NAALAD2: variants seen among roughly 807,000 people sequenced by gnomAD.
NAALAD2 encodes N-acetylated alpha-linked acidic dipeptidase 2.
A neutral mutation model predicts 95.6 loss-of-function variants in NAALAD2; 89 were observed. That is an observed-to-expected ratio of 0.93 (90% CI 0.78 to 1.11). NAALAD2 has a LOEUF of 1.11. NAALAD2 is among the 50% of genes least tolerant of loss of function. NAALAD2 has a pLI of 0.00. For missense variants in NAALAD2, 894 were observed against 872.4 expected (o/e 1.02, Z -0.31); for synonymous variants, 264 against 294.4 (o/e 0.90, Z 1.06).
At chr11:90,169,566 G>A (rs1952574476) in intron 12 of NAALAD2, 1 of 153,674 alleles carries the variant, frequency 6.5e-6, no homozygotes, top group South Asian at 2.1e-4. Flanking sequence ...TACGCCAACA[G>A]GACTTGATTT....
At chr11:90,159,121 A>T in intron 7 of NAALAD2, 118 bp from the exon 8 acceptor site, 1 of 788,230 alleles carries the variant, frequency 1.3e-6, no homozygotes, top group Non-Finnish European at 2.1e-6. Flanking sequence ...AGTACCTGGC[A>T]CTTAGTAAAT....
intron 6 of NAALAD2, among the ~76,000 whole-genome samples, chr11:90,156,150 T>A: frequency 6.6e-6 from 1 of 151,960 alleles, no homozygotes; most frequent in East Asian, 1.9e-4. Flanking sequence ...TTGTTGGAAG[T>A]TTATTAGTTT....
chr11:90,146,859 A>G (rs908105393), intron 2 of NAALAD2, among the ~76,000 whole-genome samples: 1 of 152,140 alleles, frequency 6.6e-6, no homozygotes, highest in Non-Finnish European at 1.5e-5. Flanking sequence ...ATAAAAATGC[A>G]TGGACTTTGA....
At chr11:90,167,682 G>A (rs1055570496) in intron 11 of NAALAD2, among the ~76,000 whole-genome samples, 2 of 152,166 alleles carry the variant, frequency 1.3e-5, no homozygotes, top group African/African-American at 4.8e-5. Flanking sequence ...TCTGTATCTA[G>A]CTCAAGGTTT....
chr11:90,137,216 A>G (rs959075716), intron 2 of NAALAD2, among the ~76,000 whole-genome samples: 3 of 152,134 alleles, frequency 2.0e-5, no homozygotes, highest in African/African-American at 7.2e-5. Flanking sequence ...AAGGGTAGTG[A>G]GGAGGGCAGA....
upstream of NAALAD2, among the ~76,000 whole-genome samples, chr11:90,133,162 C>T (rs1020232281): frequency 6.6e-6 from 1 of 152,174 alleles, no homozygotes; most frequent in African/African-American, 2.4e-5. Context: ...GCTATCAGGG[C>T]TGCAGACAAT....
At chr11:90,155,724 TAC>T in intron 6 of NAALAD2, among the ~76,000 whole-genome samples, 1 of 50,198 alleles carries the variant, frequency 2.0e-5, no homozygotes, top group Non-Finnish European at 3.4e-5. Flanking sequence ...ATGTATGTAA[TAC>T]ATACATACAT....
chr11:90,175,928 A>ATATGTG (rs1555125279), intron 14 of NAALAD2, 44 bp from the exon 15 acceptor site: 2 of 972,722 alleles, frequency 2.1e-6, no homozygotes, highest in African/African-American at 3.3e-5. Flanking sequence ...TTACTTGTTT[A>ATATGTG]TGTGTGTGTG....
chr11:90,165,116 C>T (rs371947981), intron 11 of NAALAD2, among the ~76,000 whole-genome samples: 1 of 152,152 alleles, frequency 6.6e-6, no homozygotes, highest in East Asian at 1.9e-4. Flanking sequence ...TAATGGTCTT[C>T]ATCTCCATCC....
Position 90,185,889 on chromosome 11 carries a change from T to G in NAALAD2, c.2033+2881T>G, listed in dbSNP as rs985937805. On this transcript the variant is annotated intron_variant, in intron 18 of 18. Coordinates refer to ENST00000534061, the MANE Select transcript of NAALAD2 (RefSeq NM_005467.4). ...TTTTTTTTTTTATATACATTTAAAATTTTATTTGTTTTCACAGAAATGAGC... is the reference window on the plus strand; with the variant it reads ...TTTTTTTTTTTATATACATTTAAAAGTTTATTTGTTTTCACAGAAATGAGC... Among the ~76,000 whole-genome samples the G allele has an allele frequency of 7.4e-5, 11 of 149,420 alleles. No individual in the cohort carries two copies. The East Asian group carries it at 1.2e-3, about 16-fold the overall frequency.
At chr11:90,167,199 C>G (rs1295849579) in intron 11 of NAALAD2, among the ~76,000 whole-genome samples, 1 of 152,138 alleles carries the variant, frequency 6.6e-6, no homozygotes, top group Non-Finnish European at 1.5e-5. Flanking sequence ...AGGGAAGGAG[C>G]GGGCGGGAAC....
Position 90,166,533 on chromosome 11 carries a change from A to G in NAALAD2, c.1279-2396A>G, listed in dbSNP as rs562938722. Among the ~76,000 whole-genome samples the G allele has an allele frequency of 5.9e-5, 9 of 152,338 alleles. No homozygotes were observed. The South Asian group carries it at 1.9e-3, about 32-fold the overall frequency. On this transcript the variant is annotated intron_variant, in intron 11 of 18. Coordinates refer to ENST00000534061, the MANE Select transcript of NAALAD2 (RefSeq NM_005467.4). ...TATGTAAGTGTCAATTGCCAGTTAT[A>G]TCTATTAGGAAATACAGATTGGCTG...
intron 13 of NAALAD2, among the ~76,000 whole-genome samples, chr11:90,171,155 A>G (rs965425580): frequency 2.6e-5 from 4 of 152,202 alleles, no homozygotes; most frequent in Non-Finnish European, 5.9e-5. Context: ...AACTTATATA[A>G]TCTACTCATT....
At chr11:90,158,654 A>T (rs1952195233) in intron 7 of NAALAD2, 1 of 176,426 alleles carries the variant, frequency 5.7e-6, no homozygotes, top group Non-Finnish European at 1.2e-5. Context: ...TTTATTTGTA[A>T]GATGAGGCTA....
chr11:90,142,404 G>A (rs998344779), intron 2 of NAALAD2, among the ~76,000 whole-genome samples: 3 of 152,090 alleles, frequency 2.0e-5, no homozygotes, highest in Non-Finnish European at 4.4e-5. Context: ...TTTATGAAAT[G>A]TGCTTAGTTA....
At chr11:90,155,364 T>TTAC (rs1952043729) in intron 6 of NAALAD2, among the ~76,000 whole-genome samples, 1 of 105,548 alleles carries the variant, frequency 9.5e-6, no homozygotes, top group Non-Finnish European at 1.7e-5. Flanking sequence ...ACATGTATAA[T>TTAC]ATGTAATATT....
chr11:90,186,373 G>T (rs1857142604), intron 18 of NAALAD2, among the ~76,000 whole-genome samples: 1 of 151,994 alleles, frequency 6.6e-6, no homozygotes, highest in Admixed American at 6.6e-5. Context: ...ATTTTTTATG[G>T]CTGCATAGTA....
intron 2 of NAALAD2, among the ~76,000 whole-genome samples, 178 bp from the exon 3 acceptor site, chr11:90,147,152 C>G (rs1410268491): frequency 6.6e-6 from 1 of 152,056 alleles, no homozygotes; most frequent in Non-Finnish European, 1.5e-5. Context: ...CAGTTGTACA[C>G]AAATAACTTA....
intron 6 of NAALAD2, among the ~76,000 whole-genome samples, chr11:90,157,782 G>A (rs893756545): frequency 5.3e-5 from 8 of 151,658 alleles, no homozygotes; most frequent in Non-Finnish European, 8.8e-5. Context: ...GTGCAGTGGC[G>A]TGATCTCGGG....
Sources: allele counts gnomAD v4.1 joint callset (sites outside exome capture counted in the v4.1 genomes callset), GRCh38; gene constraint gnomAD v4.1.1; transcripts MANE v1.5; gene names NCBI Gene and HGNC (gene_info 2026-07-23, HGNC 2026-07-21).